Variants in DPP6 observed in about 807,000 individuals in gnomAD.
The protein encoded by DPP6 is dipeptidyl peptidase like 6.
Under a neutral mutation model 122.6 loss-of-function variants are expected in DPP6, and 69 were observed. The observed-to-expected ratio is 0.56, with a 90% confidence interval of 0.46 to 0.69. DPP6 has a LOEUF of 0.69. DPP6 is among the 30% of genes least tolerant of loss of function. The pLI, the probability that DPP6 is intolerant of heterozygous loss-of-function variation, is 0.00. For missense variants in DPP6, 928 were observed against 1,116.9 expected (o/e 0.83, Z 2.41); for synonymous variants, 418 against 433.1 (o/e 0.97, Z 0.43).
intron 1 of DPP6, among the ~76,000 whole-genome samples, chr7:153,965,285 G>A (rs552518444): frequency 6.6e-6 from 1 of 151,970 alleles, no homozygotes; most frequent in Non-Finnish European, 1.5e-5. Context: ...TAATATTATG[G>A]TGTCTCTGCA....
chr7:154,167,616 A>T (rs1797319808), intron 1 of DPP6, among the ~76,000 whole-genome samples: 1 of 152,008 alleles, frequency 6.6e-6, no homozygotes, highest in Non-Finnish European at 1.5e-5. Flanking sequence ...GTATCTGCAG[A>T]CCCTTCTGGG....
At chr7:153,781,531 A>T in the DPP6 span, among the ~76,000 whole-genome samples, 24 of 152,282 alleles carry the variant, frequency 1.6e-4, 1 homozygote, top group Middle Eastern at 3.4e-3. Flanking sequence ...TTCTTTCCAG[A>T]TCGGTCCATG....
At chr7:154,305,449 C>T (rs754746493) in intron 1 of DPP6, 62 of 1,546,612 alleles carry the variant, frequency 4.0e-5, no homozygotes, top group African/African-American at 5.5e-5. Flanking sequence ...CCCAACTCGC[C>T]GTCAGACCCC....
At chr7:154,026,388 A>C (rs1465366410) in intron 1 of DPP6, 1 of 151,894 alleles carries the variant, frequency 6.6e-6, no homozygotes, top group African/African-American at 2.4e-5. Flanking sequence ...TAATTCAGAA[A>C]AGTAAGCTTT....
chr7:154,578,915 A>C (rs1207752764), intron 5 of DPP6, among the ~76,000 whole-genome samples: 2 of 152,188 alleles, frequency 1.3e-5, no homozygotes, highest in African/African-American at 4.8e-5. Context: ...AAACTGGAAA[A>C]ATAGCCATTC....
At chr7:153,836,125 A>T in the DPP6 span, among the ~76,000 whole-genome samples, 2 of 152,244 alleles carry the variant, frequency 1.3e-5, no homozygotes, top group Non-Finnish European at 2.9e-5. Flanking sequence ...TTGTTGTAAC[A>T]TGAACATTTA....
intron 5 of DPP6, among the ~76,000 whole-genome samples, chr7:154,608,454 A>G (rs1399964887): frequency 6.7e-6 from 1 of 149,956 alleles, no homozygotes; most frequent in Non-Finnish European, 1.5e-5. Context: ...CAGCCTCTTG[A>G]GTAGCTGGGA....
At chr7:154,497,962 A>G (rs1366872605) in intron 3 of DPP6, among the ~76,000 whole-genome samples, 1 of 152,134 alleles carries the variant, frequency 6.6e-6, no homozygotes, top group African/African-American at 2.4e-5. Flanking sequence ...CAGCAGGATG[A>G]TGGGGGAGGA....
At chr7:154,671,311 C>T (rs1264941220) in intron 7 of DPP6, among the ~76,000 whole-genome samples, 2 of 152,206 alleles carry the variant, frequency 1.3e-5, no homozygotes, top group Non-Finnish European at 2.9e-5. Context: ...GTACCCACAG[C>T]TCTGCACCTG....
rs146689571 is a variant in DPP6, at chr7:154,867,875, A to G, written c.1715-120A>G. ...TTTCTTTTTCTGTACACTAGAAATA[A>G]TAATAATCACCTCTGAGGCTGATGA... On this transcript the variant is annotated intron_variant, in intron 17 of 25. Transcript: ENST00000377770. The G allele has an allele frequency of 2.1e-4, 269 of 1,302,378 alleles. 1 individual carries two copies. In the African/African-American group the frequency reaches 3.5e-3, roughly 17 times the overall value. The allele number at this position is 1,302,378 out of a possible 1,614,324, so 80.7% of individuals were successfully genotyped here. A position where few individuals can be genotyped will look rare whatever the true frequency, so the allele number is the denominator to read the frequency against.
chr7:154,715,563 A>G (rs1349538484), intron 7 of DPP6, among the ~76,000 whole-genome samples: 5 of 152,152 alleles, frequency 3.3e-5, no homozygotes. Context: ...TTATGAGACA[A>G]TTTTCGACTG....
In DPP6 at chr7:154,816,853, A is replaced by T. The variant is rs114055205; in HGVS notation, c.1666+9741A>T. Among the ~76,000 whole-genome samples the T allele has an allele frequency of 1.6e-3, 242 of 152,294 alleles. 1 individual carries two copies. The highest frequency in any genetic ancestry group is 5.5e-3 in the African/African-American group (230 of 41,568). On this transcript the variant is annotated intron_variant, in intron 16 of 25. Coordinates refer to ENST00000377770, the MANE Select transcript of DPP6 (RefSeq NM_130797.4). ...TAGCAAATTCCAGAAGCGGCCATGG[A>T]TGCCAGAGCCACAAAACATTAAATC... is the stretch of plus-strand genomic sequence containing the variant.
intron 5 of DPP6, among the ~76,000 whole-genome samples, chr7:154,575,474 G>A (rs1487442098): frequency 0.064 from 2,741 of 42,654 alleles, 130 homozygotes; most frequent in East Asian, 0.32. Flanking sequence ...GTGTATGTGT[G>A]TGGTGTGTGT....
At chr7:154,478,630 G>A (rs1246659973) in intron 3 of DPP6, among the ~76,000 whole-genome samples, 1 of 151,866 alleles carries the variant, frequency 6.6e-6, no homozygotes, top group African/African-American at 2.4e-5. Flanking sequence ...TGAGTCTCAG[G>A]GTATTGAAAT....
In DPP6 at chr7:153,951,307, G is replaced by T. The variant is rs1331805694; in HGVS notation, c.51+63573G>T. On this transcript the variant is annotated intron_variant, in intron 1 of 25. Transcript: ENST00000404039. Reference sequence around the variant, plus strand: ...CACCCTAGCACAGGTGCATCTGGACGCAAAGCAAGGGGGAGAGTGAGGGAG... The same window carrying T: ...CACCCTAGCACAGGTGCATCTGGACTCAAAGCAAGGGGGAGAGTGAGGGAG... 2.6e-5 allele frequency among the ~76,000 whole-genome samples: 4 copies of T among 152,290 alleles called. No homozygotes were observed. The East Asian group carries it at 7.7e-4, about 29-fold the overall frequency.
intron 7 of DPP6, among the ~76,000 whole-genome samples, chr7:154,699,040 C>T (rs1586912799): frequency 6.6e-6 from 1 of 152,142 alleles, no homozygotes; most frequent in Non-Finnish European, 1.5e-5. Flanking sequence ...GAGCACGGTT[C>T]CAAGATCAGC....
In DPP6 at chr7:154,755,802, A is replaced by T. The variant is rs73167060; in HGVS notation, c.884-13615A>T. ...TGTTGCCGAGCCCTTGGGTTGGAAG[A>T]GGTCGGAGTGGGGCGCGTCCCAGGT... On this transcript the variant is annotated intron_variant, in intron 8 of 25. Coordinates refer to ENST00000377770, the MANE Select transcript of DPP6 (RefSeq NM_130797.4). The surrounding 1 kb of genome is among the most constrained non-coding windows in gnomAD (Gnocchi z 4.7). Among the ~76,000 whole-genome samples the T allele has an allele frequency of 0.099, 15,107 of 152,302 alleles. 1,054 individuals are homozygous for T. Among genetic ancestry groups the T allele is most frequent in the South Asian group, 0.2 (951 of 4,824 alleles).
At chr7:153,868,233 C>T in the DPP6 span, among the ~76,000 whole-genome samples, 29,963 of 151,752 alleles carry the variant, frequency 0.2, 3,059 homozygotes, top group African/African-American at 0.25. Context: ...ATGGTACCAG[C>T]TCCTCCTTGT....
the DPP6 span, among the ~76,000 whole-genome samples, chr7:153,877,718 A>G: frequency 6.6e-6 from 1 of 152,184 alleles, no homozygotes; most frequent in Non-Finnish European, 1.5e-5. Flanking sequence ...TCAAAAAGCT[A>G]AAAGTTGTTT....
Sources: gnomAD v4.1 joint callset for allele counts (sites outside exome capture counted in the v4.1 genomes callset) on GRCh38, gnomAD v4.1.1 for gene constraint, Gnocchi (gnomAD v3.1) non-coding constraint, MANE v1.5 for transcripts, NCBI Gene and HGNC (gene_info 2026-07-23, HGNC 2026-07-21) for gene names.